The following SNTG1 variants were observed in gnomAD, a reference collection of about 807,000 sequenced individuals.
The protein encoded by SNTG1 is gamma-1-syntrophin.
SNTG1 carries 39 observed loss-of-function variants against 74.7 expected under a neutral mutation model. The ratio of observed to expected loss-of-function variants is 0.52; its 90% CI spans 0.40 to 0.68. The LOEUF (loss-of-function observed/expected upper bound fraction) is 0.68. SNTG1 is among the 30% of genes least tolerant of loss of function. The pLI is 0.00. For synonymous variants in SNTG1, 254 were observed against 217.1 expected, an observed-to-expected ratio of 1.17 and a Z score of -1.49; for missense variants, 685 against 609.5, an observed-to-expected ratio of 1.12 and a Z score of -1.30.
At chr8:50,505,722 G>C (rs111334378) in intron 9 of SNTG1, among the ~76,000 whole-genome samples, 1 of 152,052 alleles carries the variant, frequency 6.6e-6, no homozygotes, top group African/African-American at 2.4e-5. Context: ...CTGTTGTTGA[G>C]TTGTAAGAAT....
chr8:50,222,576 G>A (rs959242386), intron 2 of SNTG1, among the ~76,000 whole-genome samples: 1 of 152,134 alleles, frequency 6.6e-6, no homozygotes, highest in African/African-American at 2.4e-5. Context: ...CAGAATACTA[G>A]AACATATACC....
intron 1 of SNTG1, among the ~76,000 whole-genome samples, chr8:49,954,694 C>T (rs1303496622): frequency 6.6e-6 from 1 of 152,066 alleles, no homozygotes. Context: ...GATGACAAAG[C>T]TTATTTTCAT....
At chr8:50,444,764 A>AAAAAAAAAAG (rs71233494) in intron 5 of SNTG1, among the ~76,000 whole-genome samples, 22 of 140,228 alleles carry the variant, frequency 1.6e-4, no homozygotes, top group East Asian at 4.2e-4. Context: ...AAAAAAAAAA[A>AAAAAAAAAAG]AAAGAAAGAG....
intron 15 of SNTG1, among the ~76,000 whole-genome samples, chr8:50,670,194 C>T (rs535059410): frequency 6.6e-5 from 10 of 152,068 alleles, no homozygotes; most frequent in South Asian, 4.2e-4. Flanking sequence ...CTGGCCAGGG[C>T]GATTAAGCAG....
rs528599741 is a variant in SNTG1 at position 50,450,668 on chromosome 8, T to A, written c.322-20T>A. The A allele has an allele frequency of 6.2e-7, 1 of 1,613,490 alleles. No homozygotes were observed. The highest frequency in any genetic ancestry group is 8.5e-7 in the Non-Finnish European group (1 of 1,179,752). On this transcript the variant is annotated intron_variant, in intron 7 of 18. Coordinates refer to ENST00000642720, the MANE Select transcript of SNTG1 (RefSeq NM_018967.5). Reference sequence around the variant, plus strand: ...ATTTACAATATGCCATGGGAAACTATGCTTTTCTTTTCATTGCAGATAAAT... The same window carrying A: ...ATTTACAATATGCCATGGGAAACTAAGCTTTTCTTTTCATTGCAGATAAAT...
At chr8:50,189,483 C>T (rs1212841818) in intron 2 of SNTG1, among the ~76,000 whole-genome samples, 2 of 152,020 alleles carry the variant, frequency 1.3e-5, no homozygotes, top group African/African-American at 4.8e-5. Flanking sequence ...ACTGTGCAAA[C>T]CACTAGATGG....
chr8:50,138,845 A>G (rs2081566867), intron 1 of SNTG1, among the ~76,000 whole-genome samples: 1 of 151,882 alleles, frequency 6.6e-6, no homozygotes, highest in Non-Finnish European at 1.5e-5. Context: ...ATTATTGCAT[A>G]TTTTCCTAAG....
At chr8:49,996,729 T>C (rs1214960805) in intron 1 of SNTG1, among the ~76,000 whole-genome samples, 2 of 152,144 alleles carry the variant, frequency 1.3e-5, no homozygotes, top group Non-Finnish European at 2.9e-5. Flanking sequence ...AGGGTTATTG[T>C]TCTAATATCT....
chr8:50,081,179 T>C (rs1822370929), intron 1 of SNTG1, among the ~76,000 whole-genome samples: 1 of 152,176 alleles, frequency 6.6e-6, no homozygotes, highest in African/African-American at 2.4e-5. Flanking sequence ...AACAGTTTTT[T>C]TCCAAAAATA....
At chr8:50,255,944 G>T (rs2086860050) in intron 2 of SNTG1, among the ~76,000 whole-genome samples, 1 of 152,086 alleles carries the variant, frequency 6.6e-6, no homozygotes, top group South Asian at 2.1e-4. Context: ...ACCCTACCTT[G>T]CCTATAAGAC....
At chr8:50,630,924 C>T (rs1438298007) in intron 13 of SNTG1, among the ~76,000 whole-genome samples, 10 of 152,286 alleles carry the variant, frequency 6.6e-5, no homozygotes, top group African/African-American at 1.7e-4. Context: ...ACATCCGAAA[C>T]GTCTCTGGGT....
intron 2 of SNTG1, among the ~76,000 whole-genome samples, chr8:50,364,608 A>T (rs1206980498): frequency 1.3e-5 from 2 of 152,170 alleles, no homozygotes; most frequent in African/African-American, 4.8e-5. Flanking sequence ...ACACCATTGC[A>T]TTAATTACAG....
rs141063459 is a variant in SNTG1 at position 50,291,568 on chromosome 8, C to G, written c.-27-102644C>G. 5.3e-4 allele frequency among the ~76,000 whole-genome samples: 81 copies of G among 152,100 alleles called. No individual in the cohort carries two copies. In the East Asian group the frequency reaches 0.015, roughly 28 times the overall value. On this transcript the variant is annotated intron_variant, in intron 2 of 18. Transcript: ENST00000642720. ...CCTCAGGAAAGTTGCAGGGCTAGATCGAGGAAGACTTTCTAGGATGTACTA... is the reference window on the plus strand; with the variant it reads ...CCTCAGGAAAGTTGCAGGGCTAGATGGAGGAAGACTTTCTAGGATGTACTA...
chr8:50,241,553 G>A (rs1363856044), intron 2 of SNTG1, among the ~76,000 whole-genome samples: 1 of 152,204 alleles, frequency 6.6e-6, no homozygotes, highest in Non-Finnish European at 1.5e-5. Context: ...GGTGGGTGGT[G>A]TCTGATGTCC....
Position 50,463,495 on chromosome 8 carries a change from A to G in SNTG1, c.363+12766A>G, listed in dbSNP as rs148226078. ...GAAAACAAAATTAATCTTATTTTAC[A>G]TCTCCATTAGGGCTCTTGGGCGAGC... On this transcript the variant is annotated intron_variant, in intron 8 of 18. Coordinates refer to ENST00000642720, the MANE Select transcript of SNTG1 (RefSeq NM_018967.5). Among the ~76,000 whole-genome samples the G allele has an allele frequency of 1.1e-3, 169 of 152,302 alleles. 1 individual carries two copies. Among genetic ancestry groups the G allele is most frequent in the African/African-American group, 3.8e-3 (159 of 41,564 alleles).
chr8:50,073,915 T>C (rs1353879586), intron 1 of SNTG1, among the ~76,000 whole-genome samples: 3 of 150,270 alleles, frequency 2.0e-5, no homozygotes, highest in African/African-American at 7.4e-5. Flanking sequence ...TGTCCGGCTT[T>C]GTTGTTCCAT....
chr8:50,233,125 A>T (rs768107461), intron 2 of SNTG1, among the ~76,000 whole-genome samples: 2 of 151,782 alleles, frequency 1.3e-5, no homozygotes, highest in Non-Finnish European at 3.0e-5. Flanking sequence ...GAAAAGAAAG[A>T]ATAAAGCAGG....
At chr8:50,110,933 C>T (rs2080560991) in intron 1 of SNTG1, among the ~76,000 whole-genome samples, 1 of 152,086 alleles carries the variant, frequency 6.6e-6, no homozygotes. Context: ...CTTCTTTAAT[C>T]TAGGTATGTC....
chr8:50,112,593 G>C (rs1346476547), intron 1 of SNTG1, among the ~76,000 whole-genome samples: 3 of 122,244 alleles, frequency 2.5e-5, no homozygotes, highest in African/African-American at 9.3e-5. Flanking sequence ...CACAATCTCA[G>C]CTCACTGCAA....
Sources: allele counts gnomAD v4.1 joint callset (sites outside exome capture counted in the v4.1 genomes callset), GRCh38; gene constraint gnomAD v4.1.1; transcripts MANE v1.5; gene names NCBI Gene and HGNC (gene_info 2026-07-23, HGNC 2026-07-21).